The following RFC2 variants were observed in gnomAD, a reference collection of about 807,000 sequenced individuals.
The protein encoded by RFC2 is replication factor C subunit 2.
A neutral mutation model predicts 44.8 loss-of-function variants in RFC2; 34 were observed. The ratio of observed to expected loss-of-function variants is 0.76; its 90% CI spans 0.58 to 1.01. The LOEUF (loss-of-function observed/expected upper bound fraction) is 1.01. Ranked by LOEUF, RFC2 falls within the 50% of genes least tolerant of loss-of-function variation. The pLI is 0.00. For missense variants in RFC2, 400 were observed against 453.6 expected (o/e 0.88, Z 1.07); for synonymous variants, 177 against 168.9 (o/e 1.05, Z -0.37).
At chr7:74,254,112 GT>G (rs1444064388) in intron 1 of RFC2, among the ~76,000 whole-genome samples, 158 bp downstream of exon 1, 1 of 152,064 alleles carries the variant, frequency 6.6e-6, no homozygotes. Flanking sequence ...ATCCATGTCC[GT>G]CGCCTTCTTG....
chr7:74,236,311 G>C (rs1803010767), intron 9 of RFC2, among the ~76,000 whole-genome samples: 1 of 152,148 alleles, frequency 6.6e-6, no homozygotes, highest in African/African-American at 2.4e-5. Flanking sequence ...CTTTCTTCAG[G>C]TCTACTCAGG....
At chr7:74,232,962 C>T (rs1237319665) in intron 10 of RFC2, among the ~76,000 whole-genome samples, 1 of 152,090 alleles carries the variant, frequency 6.6e-6, no homozygotes, top group East Asian at 1.9e-4. Context: ...CACCTGTAAT[C>T]CCAGCATTCT....
chr7:74,241,991 G>A (rs1803356782), intron 6 of RFC2, among the ~76,000 whole-genome samples: 1 of 152,116 alleles, frequency 6.6e-6, no homozygotes, highest in South Asian at 2.1e-4. Flanking sequence ...TGTGAAACCA[G>A]CAGGAAGTTG....
chr7:74,242,680 G>C (rs536122396), intron 6 of RFC2, among the ~76,000 whole-genome samples: 11 of 151,160 alleles, frequency 7.3e-5, no homozygotes, highest in African/African-American at 2.4e-4. Flanking sequence ...ACTTTGGGAG[G>C]CCGAGGCAGG....
chr7:74,251,446 T>G (rs1305942842), intron 2 of RFC2, among the ~76,000 whole-genome samples: 5 of 152,084 alleles, frequency 3.3e-5, no homozygotes, highest in Admixed American at 3.3e-4. Flanking sequence ...CGCCTTAGCC[T>G]CCCAAGGTGC....
At chr7:74,252,524 T>C (rs782736496) in intron 1 of RFC2, 26 bp from the exon 2 acceptor site, 70 of 1,381,548 alleles carry the variant, frequency 5.1e-5, no homozygotes, top group Non-Finnish European at 8.3e-6. Flanking sequence ...ATAAAAATGC[T>C]GACATGGTTA....
Position 74,239,170 on chromosome 7 carries a change from C to CTTTTT in RFC2, c.694-187_694-183dup, listed in dbSNP as rs34664628. Among the ~76,000 whole-genome samples, 3 of 107,972 alleles carry CTTTTT rather than the reference C, an allele frequency of 2.8e-5. 1 individual carries two copies. The highest frequency in any genetic ancestry group is 4.1e-5 in the African/African-American group (1 of 24,370). The allele number at this position is 107,972 out of a possible 152,430, so 70.8% of individuals were successfully genotyped here. A position where few individuals can be genotyped will look rare whatever the true frequency, so the allele number is the denominator to read the frequency against. On this transcript the variant is annotated intron_variant, in intron 7 of 10. Coordinates refer to ENST00000055077, the MANE Select transcript of RFC2 (RefSeq NM_181471.3). ...AGCCACCGCACCGGGCCAAGGGTGA[C>CTTTTT]TTTTTTTTTTTTTTTTTTTTTTTGA...
Position 74,231,698 on chromosome 7 carries a change from T to C in RFC2, c.*408A>G, listed in dbSNP as rs1001692718. 68 of 155,088 alleles carry C rather than the reference T, an allele frequency of 4.4e-4. No homozygotes were observed. Among genetic ancestry groups the C allele is most frequent in the Non-Finnish European group, 7.5e-4 (52 of 69,734 alleles). The allele number at this position is 155,088 out of a possible 1,614,324, so 9.6% of individuals were successfully genotyped here. Reference sequence around the variant, plus strand: ...CGGGAGTTTATTTATTTAATTTTTTTCCCCAGATGGAGACTCTGTCGCCCA... The same window carrying C: ...CGGGAGTTTATTTATTTAATTTTTTCCCCCAGATGGAGACTCTGTCGCCCA... On this transcript the variant is annotated 3_prime_UTR_variant, in exon 11 of 11. Coordinates refer to ENST00000055077, the MANE Select transcript of RFC2 (RefSeq NM_181471.3).
intron 2 of RFC2, among the ~76,000 whole-genome samples, chr7:74,252,037 T>G (rs1786989624): frequency 7.3e-6 from 1 of 136,928 alleles, no homozygotes. Context: ...AGGCAGAGCT[T>G]GCAGAGAGGC....
intron 8 of RFC2, among the ~76,000 whole-genome samples, chr7:74,237,665 T>C (rs551647146): frequency 1.3e-5 from 2 of 152,240 alleles, no homozygotes; most frequent in East Asian, 1.9e-4. Context: ...ATAAGACAGA[T>C]GAACAAGAGA....
chr7:74,233,819 G>A (rs1319891478), intron 10 of RFC2: 1 of 456,408 alleles, frequency 2.2e-6, no homozygotes. Flanking sequence ...CCATGTGGTG[G>A]CTAGGTTGAG....
intron 1 of RFC2, 130 bp downstream of exon 1, chr7:74,254,141 C>G (rs1489692503): frequency 7.0e-6 from 5 of 715,082 alleles, no homozygotes; most frequent in East Asian, 5.4e-5. Context: ...CTCGATGCCA[C>G]CCGGGGCCTC....
At chr7:74,250,239 G>A (rs533713719) in intron 2 of RFC2, among the ~76,000 whole-genome samples, 15 of 151,844 alleles carry the variant, frequency 9.9e-5, no homozygotes, top group African/African-American at 3.6e-4. Context: ...TGTAGTAAAC[G>A]TGGCTACAAA....
At chr7:74,249,564 T>TA (rs1412756198) in intron 3 of RFC2, among the ~76,000 whole-genome samples, 175 bp downstream of exon 3, 11 of 149,854 alleles carry the variant, frequency 7.3e-5, no homozygotes, top group Admixed American at 1.3e-4. Context: ...AATAAATAAA[T>TA]AAAAAAAAAT....
intron 6 of RFC2, among the ~76,000 whole-genome samples, chr7:74,242,940 C>A (rs970555698): frequency 8.0e-5 from 12 of 149,420 alleles, no homozygotes; most frequent in Non-Finnish European, 1.5e-4. Context: ...AAAAAAAAAT[C>A]CAGGTGTGGT....
At position 74,250,476 on chromosome 7, in the gene RFC2, T is replaced by C. The variant is rs567268808; in HGVS notation, c.184-696A>G. ...TTCAAAACTGAACACTTCATTCTCC[T>C]GTACAAACCTGAGGCCCCACCCATG... On this transcript the variant is annotated intron_variant, in intron 2 of 10. Coordinates refer to ENST00000055077, the MANE Select transcript of RFC2 (RefSeq NM_181471.3). 3.3e-5 allele frequency among the ~76,000 whole-genome samples: 5 copies of C among 152,156 alleles called. No individual in the cohort carries two copies. The East Asian group carries it at 7.8e-4, about 24-fold the overall frequency.
In RFC2 at chr7:74,252,467, C is replaced by G; in HGVS notation, c.145G>C (p.Glu49Gln). The G allele has an allele frequency of 1.2e-6, 2 of 1,607,210 alleles. No homozygotes were observed. The highest frequency in any genetic ancestry group is 2.2e-5 in the South Asian group (2 of 90,962). The change falls in exon 2 of 11, where the codon GAA (glutamate) becomes CAA (glutamine). Residue 49 changes from glutamate to glutamine, a missense_variant. Transcript: ENST00000055077. ...VEKYRPVKLN[E>Q]IVGNEDTVSR... ...ACGGTGTCTTCATTCCCGACAATTTCATTCAGCTTTACTGGCCTATATTTT... is the reference window on the plus strand; with the variant it reads ...ACGGTGTCTTCATTCCCGACAATTTGATTCAGCTTTACTGGCCTATATTTT...
At chr7:74,246,127 C>T (rs1187015396) in intron 5 of RFC2, among the ~76,000 whole-genome samples, 1 of 151,478 alleles carries the variant, frequency 6.6e-6, no homozygotes, top group Non-Finnish European at 1.5e-5. Flanking sequence ...ACCCAGGAGG[C>T]GGAGGTTGCA....
chr7:74,250,895 T>A (rs1786897426), intron 2 of RFC2, among the ~76,000 whole-genome samples: 1 of 152,090 alleles, frequency 6.6e-6, no homozygotes, highest in African/African-American at 2.4e-5. Context: ...TTCAAGCGAT[T>A]CTCCTGCCTC....
Sources: gnomAD v4.1 joint callset for allele counts (sites outside exome capture counted in the v4.1 genomes callset) on GRCh38, gnomAD v4.1.1 for gene constraint, MANE v1.5 for transcripts, NCBI Gene and HGNC (gene_info 2026-07-23, HGNC 2026-07-21) for gene names.